Variants in SLC4A8 observed in about 807,000 individuals in gnomAD.
The protein encoded by SLC4A8 is electroneutral sodium bicarbonate exchanger 1.
A neutral mutation model predicts 125.0 loss-of-function variants in SLC4A8; 40 were observed. The ratio of observed to expected loss-of-function variants is 0.32; its 90% CI spans 0.25 to 0.42. The LOEUF is 0.42. Ranked by LOEUF, SLC4A8 falls within the 10% of genes least tolerant of loss-of-function variation. SLC4A8 has a pLI of 1.00. For missense variants in SLC4A8, 863 were observed against 1,355.1 expected, an observed-to-expected ratio of 0.64 and a Z score of 5.70; for synonymous variants, 456 against 476.0, an observed-to-expected ratio of 0.96 and a Z score of 0.55.
chr12:51,401,883 G>A (rs553667229), intron 1 of SLC4A8, among the ~76,000 whole-genome samples: 1 of 151,904 alleles, frequency 6.6e-6, no homozygotes, highest in African/African-American at 2.4e-5. Context: ...TCCCACCTCA[G>A]CCCCCTGAGT....
At chr12:51,440,249 A>G (rs1212564073) in intron 1 of SLC4A8, among the ~76,000 whole-genome samples, 4 of 152,142 alleles carry the variant, frequency 2.6e-5, no homozygotes, top group Non-Finnish European at 2.9e-5. Flanking sequence ...TGGAAAAGGC[A>G]TGAGATTTAC....
intron 2 of SLC4A8, among the ~76,000 whole-genome samples, chr12:51,443,222 A>G (rs945436503): frequency 2.0e-5 from 3 of 152,132 alleles, no homozygotes; most frequent in Non-Finnish European, 4.4e-5. Context: ...CCTGGGCTCA[A>G]GTGATCCTCC....
At chr12:51,489,671 A>T in intron 18 of SLC4A8, 29 bp from the exon 19 acceptor site, 1 of 1,613,138 alleles carries the variant, frequency 6.2e-7, no homozygotes, top group Non-Finnish European at 8.5e-7. Flanking sequence ...TAGCCTACTG[A>T]TGGTGACAAA....
At chr12:51,414,014 T>C (rs1565756466) in intron 1 of SLC4A8, among the ~76,000 whole-genome samples, 1 of 152,228 alleles carries the variant, frequency 6.6e-6, no homozygotes, top group Non-Finnish European at 1.5e-5. Flanking sequence ...TTTTGGGTAG[T>C]ATGGTCATTT....
chr12:51,414,371 C>A (rs11169831), intron 1 of SLC4A8, among the ~76,000 whole-genome samples: 13,176 of 152,078 alleles, frequency 0.087, 645 homozygotes, highest in East Asian at 0.22. Flanking sequence ...CTGCAAAGAG[C>A]GAAAGTTTGA....
intron 1 of SLC4A8, among the ~76,000 whole-genome samples, chr12:51,425,608 G>C (rs549425229): frequency 1.1e-3 from 174 of 152,290 alleles, no homozygotes; most frequent in Non-Finnish European, 1.7e-3. Flanking sequence ...GGCTGAGGAT[G>C]TGTGGAGGGG....
intron 1 of SLC4A8, among the ~76,000 whole-genome samples, chr12:51,427,455 C>A (rs1355626270): frequency 6.6e-6 from 1 of 151,872 alleles, no homozygotes. Context: ...GTTTGTGAAA[C>A]TTTCTTGGGT....
chr12:51,477,084 A>G (rs565004071), intron 16 of SLC4A8, among the ~76,000 whole-genome samples: 1 of 151,722 alleles, frequency 6.6e-6, no homozygotes, highest in East Asian at 1.9e-4. Context: ...TTGTATTTTT[A>G]GTAGAGACGG....
intron 23 of SLC4A8, among the ~76,000 whole-genome samples, chr12:51,504,382 T>C (rs928596957): frequency 3.3e-5 from 5 of 152,230 alleles, no homozygotes; most frequent in Admixed American, 3.3e-4. Context: ...TGTGCTGGGA[T>C]TGTGCTAGAG....
rs773094937 is a variant in SLC4A8, at chr12:51,489,684, C to A, written c.2449-16C>A. 2.3e-5 allele frequency: 37 copies of A among 1,613,702 alleles called. No individual in the cohort carries two copies. Among genetic ancestry groups the A allele is most frequent in the Non-Finnish European group, 2.8e-5 (33 of 1,179,866 alleles). On this transcript the variant is annotated splice_polypyrimidine_tract_variant and intron_variant, in intron 18 of 24. Coordinates refer to ENST00000453097, the MANE Select transcript of SLC4A8 (RefSeq NM_001039960.3). ...GCTAGCCTACTGATGGTGACAAAGA[C>A]TCTGTTTCCCCACAGAAAGGCTGTG... is the stretch of plus-strand genomic sequence containing the variant.
In SLC4A8 at chr12:51,462,486, A is replaced by G. The variant is rs200548930; in HGVS notation, c.1248+30A>G. ...TGTATGCACATCAGCCAATGTGGCT[A>G]TTGTCACTTACTGACTGCCCACCAT... is the stretch of plus-strand genomic sequence containing the variant. On this transcript the variant is annotated intron_variant, in intron 10 of 24. Coordinates refer to ENST00000453097, the MANE Select transcript of SLC4A8 (RefSeq NM_001039960.3). 4,982 of 1,525,456 alleles carry G rather than the reference A, an allele frequency of 3.3e-3. 13 individuals are homozygous for G. The highest frequency in any genetic ancestry group is 3.7e-3 in the Non-Finnish European group (4,192 of 1,139,168). 94.5% of individuals were successfully genotyped at this position (1,525,456 alleles called of 1,614,324 possible).
At chr12:51,479,489 C>T (rs1950954975) in intron 16 of SLC4A8, among the ~76,000 whole-genome samples, 1 of 151,966 alleles carries the variant, frequency 6.6e-6, no homozygotes, top group Non-Finnish European at 1.5e-5. Context: ...GAGTTCCAGA[C>T]CAGTCTGGCC....
intron 1 of SLC4A8, 193 bp downstream of exon 1, chr12:51,425,228 C>T (rs1948928284): frequency 1.5e-6 from 2 of 1,378,070 alleles, no homozygotes; most frequent in African/African-American, 1.5e-5. Context: ...AGAGAGTGAC[C>T]TTGGGCCGAA....
At chr12:51,400,404 T>C (rs990225447) in intron 1 of SLC4A8, among the ~76,000 whole-genome samples, 2 of 152,078 alleles carry the variant, frequency 1.3e-5, no homozygotes, top group Non-Finnish European at 2.9e-5. Flanking sequence ...ACAATTGTAA[T>C]GTGTATAGAT....
chr12:51,490,102 A>G (rs1028073085), intron 19 of SLC4A8, 151 bp downstream of exon 19: 3 of 693,554 alleles, frequency 4.3e-6, no homozygotes, highest in Non-Finnish European at 7.2e-6. Context: ...GACAGATAAC[A>G]TGTAGTTAAG....
intron 15 of SLC4A8, among the ~76,000 whole-genome samples, chr12:51,474,766 C>G (rs1229042670): frequency 6.6e-6 from 1 of 152,106 alleles, no homozygotes; most frequent in East Asian, 1.9e-4. Context: ...TTTGGAGGTC[C>G]TCTGTGATAA....
Position 51,511,780 on chromosome 12 carries a change from C to T in SLC4A8, c.*4342C>T, listed in dbSNP as rs533013386. 1 of 152,302 alleles carries T rather than the reference C, an allele frequency of 6.6e-6. No homozygotes were observed. Among genetic ancestry groups the T allele is most frequent in the East Asian group, 1.9e-4 (1 of 5,186 alleles). The allele number at this position is 152,302 out of a possible 1,614,324, so 9.4% of individuals were successfully genotyped here. ...TGAACCTGAACCATTAGTGGTTGTC[C>T]AGATCCTCCAACTTTTTCAGGCAGT... On this transcript the variant is annotated 3_prime_UTR_variant, in exon 25 of 25. Transcript: ENST00000453097.
At chr12:51,483,242 AGTT>A (rs893438583) in intron 16 of SLC4A8, among the ~76,000 whole-genome samples, 19 of 152,166 alleles carry the variant, frequency 1.2e-4, no homozygotes, top group African/African-American at 4.6e-4. Flanking sequence ...CACTAGTCAC[AGTT>A]GTTGTTTAAA....
chr12:51,408,155 T>G (rs1023414674), intron 1 of SLC4A8, among the ~76,000 whole-genome samples: 4 of 152,188 alleles, frequency 2.6e-5, no homozygotes, highest in Non-Finnish European at 4.4e-5. Flanking sequence ...AAGGTTATAT[T>G]CTTAGGTACT....
Sources: allele counts gnomAD v4.1 joint callset (sites outside exome capture counted in the v4.1 genomes callset), GRCh38; gene constraint gnomAD v4.1.1; transcripts MANE v1.5; gene names NCBI Gene and HGNC (gene_info 2026-07-23, HGNC 2026-07-21).